The following LRBA variants were observed in gnomAD, a reference collection of about 807,000 sequenced individuals.
LRBA encodes lipopolysaccharide-responsive and beige-like anchor protein.
In LRBA, 176 loss-of-function variants were observed where a neutral mutation model predicts 330.0. That is an observed-to-expected ratio of 0.53 (90% confidence interval 0.47 to 0.60). The LOEUF (loss-of-function observed/expected upper bound fraction) is 0.60, where lower values mean the gene tolerates loss of function less well. LRBA is among the 20% of genes least tolerant of loss of function. The pLI, the probability that LRBA is intolerant of heterozygous loss-of-function variation, is 0.00. For synonymous variants in LRBA, 1,230 were observed against 1,193.0 expected (o/e 1.03, Z -0.64); for missense variants, 3,259 against 3,444.8 (o/e 0.95, Z 1.35).
chr4:150,972,527 G>A (rs931661621), intron 2 of LRBA, among the ~76,000 whole-genome samples: 2 of 151,930 alleles, frequency 1.3e-5, no homozygotes, highest in Admixed American at 6.6e-5. Context: ...TACATTCTAC[G>A]CATGTAACAA....
intron 36 of LRBA, among the ~76,000 whole-genome samples, chr4:150,734,476 C>T (rs147801735): frequency 2.6e-4 from 39 of 152,072 alleles, no homozygotes; most frequent in African/African-American, 9.2e-4. Context: ...GAAGATTTTT[C>T]ATCTTTTCTA....
intron 2 of LRBA, among the ~76,000 whole-genome samples, chr4:150,968,002 CTT>C (rs35023986): frequency 2.5e-4 from 32 of 126,030 alleles, no homozygotes; most frequent in Admixed American, 5.6e-4. Flanking sequence ...ATTTGCACAT[CTT>C]TTTTTTTTTT....
At chr4:150,489,530 TAA>T (rs1445292964) in intron 41 of LRBA, among the ~76,000 whole-genome samples, 2 of 104,674 alleles carry the variant, frequency 1.9e-5, no homozygotes, top group African/African-American at 8.0e-5. Flanking sequence ...TAAGAATACA[TAA>T]TATATATTAT....
At chr4:150,278,467 G>A (rs1383422547) in intron 55 of LRBA, among the ~76,000 whole-genome samples, 2 of 109,722 alleles carry the variant, frequency 1.8e-5, no homozygotes, top group African/African-American at 2.8e-5. Flanking sequence ...CCTTCCCTGA[G>A]CCTGCTGGAT....
chr4:150,358,810 C>T (rs1259868669), intron 47 of LRBA, among the ~76,000 whole-genome samples: 1 of 152,100 alleles, frequency 6.6e-6, no homozygotes, highest in Non-Finnish European at 1.5e-5. Flanking sequence ...TAATCCCTTC[C>T]CATTTGCTTA....
At chr4:150,623,669 C>T (rs1007627922) in intron 37 of LRBA, among the ~76,000 whole-genome samples, 18 of 151,986 alleles carry the variant, frequency 1.2e-4, no homozygotes, top group Admixed American at 1.1e-3. Context: ...AGAATTTTCA[C>T]ATAATAATTG....
At chr4:150,532,604 T>C (rs531323923) in intron 40 of LRBA, among the ~76,000 whole-genome samples, 43 of 152,178 alleles carry the variant, frequency 2.8e-4, no homozygotes, top group South Asian at 1.4e-3. Context: ...ACAAATGAAA[T>C]TGCTATTTTT....
intron 2 of LRBA, among the ~76,000 whole-genome samples, chr4:151,003,941 C>T (rs1023930324): frequency 2.0e-5 from 3 of 148,784 alleles, no homozygotes; most frequent in African/African-American, 7.4e-5. Flanking sequence ...GTGTGACAGT[C>T]TCATGCTGCC....
At chr4:150,500,176 T>C (rs1760080845) in intron 40 of LRBA, among the ~76,000 whole-genome samples, 1 of 152,052 alleles carries the variant, frequency 6.6e-6, no homozygotes, top group African/African-American at 2.4e-5. Context: ...CTGATTACTA[T>C]ACATTATGTG....
chr4:150,492,908 C>A (rs1759140721), intron 40 of LRBA, among the ~76,000 whole-genome samples: 1 of 152,172 alleles, frequency 6.6e-6, no homozygotes, highest in Non-Finnish European at 1.5e-5. Context: ...ACCCCAGTTA[C>A]TCCATTAACA....
At chr4:150,806,247 A>G (rs773175886) in intron 33 of LRBA, 24 bp downstream of exon 33, 1 of 1,498,622 alleles carries the variant, frequency 6.7e-7, no homozygotes, top group Non-Finnish European at 8.9e-7. Context: ...ATACATACAA[A>G]TAAAATAAAG....
At chr4:150,295,766 C>A (rs1459885792) in intron 53 of LRBA, among the ~76,000 whole-genome samples, 1 of 152,160 alleles carries the variant, frequency 6.6e-6, no homozygotes, top group Non-Finnish European at 1.5e-5. Flanking sequence ...AAGAGTGTAT[C>A]CCTCCATGTC....
intron 42 of LRBA, among the ~76,000 whole-genome samples, chr4:150,480,359 T>C (rs1402459978): frequency 1.3e-5 from 2 of 152,150 alleles, no homozygotes; most frequent in African/African-American, 2.4e-5. Context: ...AAAACTAATA[T>C]GTGAATTCTG....
intron 9 of LRBA, among the ~76,000 whole-genome samples, chr4:150,909,646 G>A (rs1209761583): frequency 3.9e-5 from 6 of 152,066 alleles, no homozygotes; most frequent in African/African-American, 1.4e-4. Context: ...ACGTCTCTGT[G>A]ATCCTCTTTT....
At chr4:150,758,878 T>A (rs954935128) in intron 35 of LRBA, among the ~76,000 whole-genome samples, 1 of 151,628 alleles carries the variant, frequency 6.6e-6, no homozygotes, top group East Asian at 2.0e-4. Flanking sequence ...TCTGGCTATC[T>A]CTTCACTTCT....
chr4:150,995,074 T>C (rs941971561), intron 2 of LRBA, among the ~76,000 whole-genome samples: 2 of 151,548 alleles, frequency 1.3e-5, no homozygotes, highest in African/African-American at 2.4e-5. Context: ...GAGATCACAG[T>C]TGGCATGTTT....
In LRBA at chr4:150,583,289, A is replaced by G; in HGVS notation, c.6330+4759T>C. On this transcript the variant is annotated intron_variant, in intron 40 of 56. Coordinates refer to ENST00000651943, the MANE Select transcript of LRBA (RefSeq NM_001364905.1). The surrounding 1 kb of genome is among the most constrained non-coding windows in gnomAD (Gnocchi z 9.8). ...TACCTAAACCAGATGGGCGTCTTCAACTTCGTGGACGACGGCTCGCTGCCC... is the reference window on the plus strand; with the variant it reads ...TACCTAAACCAGATGGGCGTCTTCAGCTTCGTGGACGACGGCTCGCTGCCC... 1 of 1,614,226 alleles carries G rather than the reference A, an allele frequency of 6.2e-7. No individual in the cohort carries two copies. The highest frequency in any genetic ancestry group is 8.5e-7 in the Non-Finnish European group (1 of 1,180,040).
In LRBA at chr4:150,323,961, C is replaced by T. The variant is rs1375769638; in HGVS notation, c.7452+1848G>A. Among the ~76,000 whole-genome samples, 4 of 152,298 alleles carry T rather than the reference C, an allele frequency of 2.6e-5. No individual in the cohort carries two copies. The East Asian group carries it at 7.7e-4, about 29-fold the overall frequency. On this transcript the variant is annotated intron_variant, in intron 49 of 56. Transcript: ENST00000651943. ...AGATTAAGTATACATTTGTTGACAA[C>T]TCTGGTTTCTTTTTAAACTGCCTTT...
chr4:150,657,266 AC>A (rs1423818710), intron 37 of LRBA, among the ~76,000 whole-genome samples: 2 of 152,220 alleles, frequency 1.3e-5, no homozygotes, highest in South Asian at 2.1e-4. Flanking sequence ...TTTTAAAAAA[AC>A]AAAATATAAT....
Sources: allele counts gnomAD v4.1 joint callset (sites outside exome capture counted in the v4.1 genomes callset), GRCh38; gene constraint gnomAD v4.1.1; non-coding constraint Gnocchi (gnomAD v3.1); transcripts MANE v1.5; gene names NCBI Gene and HGNC (gene_info 2026-07-23, HGNC 2026-07-21).